The following NCOA2 variants were observed in gnomAD, a reference collection of about 807,000 sequenced individuals.
NCOA2 encodes the protein class E basic helix-loop-helix protein 75.
NCOA2 carries 21 observed loss-of-function variants against 145.1 expected under a neutral mutation model. The ratio of observed to expected loss-of-function variants is 0.14; its 90% CI spans 0.10 to 0.21. The LOEUF (loss-of-function observed/expected upper bound fraction) is 0.21, where lower values mean the gene tolerates loss of function less well. Among genes scored for constraint, NCOA2 ranks in the 10% least tolerant of loss-of-function variants. The probability of loss-of-function intolerance (pLI) is 1.00; values close to 1 mark genes in which losing one functional copy is unlikely to be tolerated. For synonymous variants in NCOA2, 619 were observed against 637.5 expected (o/e 0.97, Z 0.44); for missense variants, 1,472 against 1,837.6 (o/e 0.80, Z 3.64).
chr8:70,271,707 C>G (rs1229738694), intron 2 of NCOA2, among the ~76,000 whole-genome samples: 1 of 152,218 alleles, frequency 6.6e-6, no homozygotes, highest in Non-Finnish European at 1.5e-5. Flanking sequence ...TACAGGATGG[C>G]CAGGTCCTGC....
intron 22 of NCOA2, 113 bp downstream of exon 22, chr8:70,121,189 T>A: frequency 2.4e-6 from 2 of 841,010 alleles, no homozygotes; most frequent in South Asian, 3.2e-5. Flanking sequence ...CAGAAGATAT[T>A]TTACGATTAT....
At chr8:70,316,398 C>T (rs993019727) in intron 1 of NCOA2, among the ~76,000 whole-genome samples, 1 of 152,228 alleles carries the variant, frequency 6.6e-6, no homozygotes, top group Non-Finnish European at 1.5e-5. Context: ...CACCTTCCTA[C>T]ACAAATGCCA....
chr8:70,317,931 AC>A (rs1805736541), intron 1 of NCOA2, among the ~76,000 whole-genome samples: 2 of 149,818 alleles, frequency 1.3e-5, no homozygotes, highest in Non-Finnish European at 3.0e-5. Flanking sequence ...TCTCTAAAAA[AC>A]AAAAAAAAAT....
At chr8:70,436,060 T>G in the NCOA2 span, among the ~76,000 whole-genome samples, 1 of 152,200 alleles carries the variant, frequency 6.6e-6, no homozygotes, top group Non-Finnish European at 1.5e-5. Flanking sequence ...TTCAACTGTG[T>G]TTAATAAAGC....
intron 4 of NCOA2, among the ~76,000 whole-genome samples, chr8:70,205,704 C>T (rs1473126568): frequency 1.3e-5 from 2 of 151,956 alleles, no homozygotes; most frequent in African/African-American, 4.8e-5. Context: ...GATGCAAGTG[C>T]AAAGGAGGTT....
chr8:70,134,825 C>T lies in NCOA2; in HGVS notation c.3159-2823G>A, dbSNP rs1183204213. Among the ~76,000 whole-genome samples the T allele has an allele frequency of 2.0e-5, 3 of 152,198 alleles. No homozygotes were observed. The East Asian group carries it at 5.8e-4, about 29-fold the overall frequency. ...CAGAGATTAAAAAGTTAAACAGTGC[C>T]TCCAGACCGTCCCACTTTGGTCAAG... On this transcript the variant is annotated intron_variant, in intron 15 of 22. Transcript: ENST00000452400.
chr8:70,248,048 C>T (rs1822774182), intron 2 of NCOA2, among the ~76,000 whole-genome samples: 1 of 152,128 alleles, frequency 6.6e-6, no homozygotes, highest in South Asian at 2.1e-4. Context: ...TTTTCTTCAC[C>T]AAGGCAGTAG....
At chr8:70,417,921 G>C in the NCOA2 span, among the ~76,000 whole-genome samples, 1 of 149,244 alleles carries the variant, frequency 6.7e-6, no homozygotes, top group Non-Finnish European at 1.5e-5. Context: ...TCAGAGGCAC[G>C]AGAGAGCCAA....
Position 70,123,826 on chromosome 8 carries a change from G to C in NCOA2, c.4293+58C>G, listed in dbSNP as rs7005770. 2,560 of 1,417,344 alleles carry C rather than the reference G, an allele frequency of 1.8e-3. 38 individuals carry two copies. In the African/African-American group the frequency reaches 0.031, roughly 17 times the overall value. 87.8% of individuals were successfully genotyped at this position (1,417,344 alleles called of 1,614,324 possible). Reference sequence around the variant, plus strand: ...TACATGGAAAGATATATTTGATGCAGAAGTAGAAAAAAAGCCGTGATATGA... The same window carrying C: ...TACATGGAAAGATATATTTGATGCACAAGTAGAAAAAAAGCCGTGATATGA... On this transcript the variant is annotated intron_variant, in intron 21 of 22. Transcript: ENST00000452400.
intron 1 of NCOA2, among the ~76,000 whole-genome samples, chr8:70,384,842 T>C (rs569880324): frequency 2.0e-4 from 30 of 152,324 alleles, no homozygotes; most frequent in African/African-American, 7.0e-4. Flanking sequence ...AGCCAAATGA[T>C]ACATCAGATC....
At chr8:70,235,640 T>C (rs1821525797) in intron 2 of NCOA2, among the ~76,000 whole-genome samples, 1 of 151,968 alleles carries the variant, frequency 6.6e-6, no homozygotes, top group South Asian at 2.1e-4. Context: ...GCCCAGGAGT[T>C]AGAGACCAGC....
intron 16 of NCOA2, among the ~76,000 whole-genome samples, chr8:70,131,017 C>G (rs1249924778): frequency 6.6e-6 from 1 of 152,176 alleles, no homozygotes; most frequent in Non-Finnish European, 1.5e-5. Context: ...TAGTAACCAA[C>G]TAATTACTTG....
intron 1 of NCOA2, among the ~76,000 whole-genome samples, chr8:70,357,934 C>A (rs966280394): frequency 1.3e-5 from 2 of 151,746 alleles, no homozygotes; most frequent in African/African-American, 4.8e-5. Context: ...ACCAGTGATC[C>A]CAGCTACTTG....
chr8:70,368,506 T>C (rs1810916226), intron 1 of NCOA2, among the ~76,000 whole-genome samples: 1 of 152,212 alleles, frequency 6.6e-6, no homozygotes, highest in African/African-American at 2.4e-5. Flanking sequence ...CAGCCATTAT[T>C]TAGTTTTTCA....
At chr8:70,422,707 T>C in the NCOA2 span, among the ~76,000 whole-genome samples, 3 of 152,158 alleles carry the variant, frequency 2.0e-5, no homozygotes, top group African/African-American at 4.8e-5. Context: ...CTGGCCAAAA[T>C]GCTGTTTTTA....
intron 1 of NCOA2, among the ~76,000 whole-genome samples, chr8:70,306,946 G>A (rs1448878860): frequency 2.0e-5 from 3 of 152,086 alleles, no homozygotes; most frequent in Non-Finnish European, 4.4e-5. Context: ...TAAAGCAAGA[G>A]GAAGAAATAC....
intron 1 of NCOA2, among the ~76,000 whole-genome samples, chr8:70,351,776 G>A (rs1349649369): frequency 7.7e-6 from 1 of 129,200 alleles, no homozygotes; most frequent in Admixed American, 8.1e-5. Context: ...TTTTTTTTAA[G>A]TAGAGATAAA....
chr8:70,385,989 TTTC>T (rs1218076036), intron 1 of NCOA2, among the ~76,000 whole-genome samples: 1 of 152,188 alleles, frequency 6.6e-6, no homozygotes, highest in East Asian at 1.9e-4. Context: ...TATTGAGAAA[TTTC>T]TTAATACGCA....
At chr8:70,198,172 A>T (rs1381275857) in intron 4 of NCOA2, among the ~76,000 whole-genome samples, 1 of 152,212 alleles carries the variant, frequency 6.6e-6, no homozygotes, top group Non-Finnish European at 1.5e-5. Flanking sequence ...TATAAAAATT[A>T]TTAAGATAAG....
Sources: gnomAD v4.1 joint callset for allele counts (sites outside exome capture counted in the v4.1 genomes callset) on GRCh38, gnomAD v4.1.1 for gene constraint, MANE v1.5 for transcripts, NCBI Gene and HGNC (gene_info 2026-07-23, HGNC 2026-07-21) for gene names.